The following TASP1 variants were observed in gnomAD, a reference collection of about 807,000 sequenced individuals.
The protein encoded by TASP1 is taspase 1.
TASP1 carries 16 observed loss-of-function variants against 56.6 expected under a neutral mutation model. That is an observed-to-expected ratio of 0.28 (90% CI 0.19 to 0.43). TASP1 has a LOEUF of 0.43. TASP1 is among the 20% of genes least tolerant of loss of function. The probability of loss-of-function intolerance (pLI) is 1.00; values close to 1 mark genes in which losing one functional copy is unlikely to be tolerated. For missense variants in TASP1, 393 were observed against 511.6 expected (o/e 0.77, Z 2.24); for synonymous variants, 179 against 184.2 (o/e 0.97, Z 0.23).
At chr20:13,461,895 T>C (rs1057021200) in intron 11 of TASP1, among the ~76,000 whole-genome samples, 3 of 152,146 alleles carry the variant, frequency 2.0e-5, no homozygotes, top group Non-Finnish European at 2.9e-5. Context: ...AGCAGATGTT[T>C]ATACAAGATT....
the TASP1 span, among the ~76,000 whole-genome samples, chr20:13,318,519 CA>C: frequency 6.6e-6 from 1 of 152,088 alleles, no homozygotes; most frequent in Admixed American, 6.5e-5. Flanking sequence ...CACACAAAAA[CA>C]AAAAAACCTG....
intron 6 of TASP1, among the ~76,000 whole-genome samples, chr20:13,573,391 C>T (rs192042775): frequency 2.0e-5 from 3 of 152,168 alleles, no homozygotes; most frequent in African/African-American, 7.2e-5. Flanking sequence ...AATCCCCCAG[C>T]TCCTTGATCT....
At chr20:13,246,803 C>T in the TASP1 span, among the ~76,000 whole-genome samples, 1 of 152,156 alleles carries the variant, frequency 6.6e-6, no homozygotes, top group Non-Finnish European at 1.5e-5. Flanking sequence ...CAATGTAAAA[C>T]CACCTGACTG....
At chr20:13,567,444 G>A (rs1304153273) in intron 7 of TASP1, among the ~76,000 whole-genome samples, 1 of 151,958 alleles carries the variant, frequency 6.6e-6, no homozygotes, top group African/African-American at 2.4e-5. Flanking sequence ...TAGGTATTCG[G>A]AAAATAAAAT....
At chr20:13,559,371 T>G (rs529741067) in intron 7 of TASP1, among the ~76,000 whole-genome samples, 43 of 152,250 alleles carry the variant, frequency 2.8e-4, no homozygotes, top group African/African-American at 9.4e-4. Context: ...AGGGCATCTG[T>G]TGATGCAAGC....
chr20:13,161,092 A>T, the TASP1 span, among the ~76,000 whole-genome samples: 18 of 152,374 alleles, frequency 1.2e-4, no homozygotes, highest in African/African-American at 4.3e-4. Flanking sequence ...TAGTGGAAAC[A>T]AAAGAAACTA....
chr20:13,232,939 C>T, the TASP1 span, among the ~76,000 whole-genome samples: 1 of 151,680 alleles, frequency 6.6e-6, no homozygotes, highest in South Asian at 2.1e-4. Flanking sequence ...TCATGGGTCT[C>T]GATTCTCCAA....
At chr20:13,177,586 G>A in the TASP1 span, among the ~76,000 whole-genome samples, 1 of 152,012 alleles carries the variant, frequency 6.6e-6, no homozygotes, top group African/African-American at 2.4e-5. Flanking sequence ...GAAATAGAAA[G>A]GAGAACCCAG....
chr20:13,126,502 A>C, the TASP1 span: 24 of 1,456,494 alleles, frequency 1.6e-5, no homozygotes, highest in Non-Finnish European at 2.2e-5. Flanking sequence ...GTCTTTTGCT[A>C]TGAGGATAGG....
the TASP1 span, among the ~76,000 whole-genome samples, chr20:13,123,342 A>AT: frequency 1.7e-3 from 259 of 151,592 alleles, 1 homozygote; most frequent in Non-Finnish European, 2.5e-3. Context: ...AAAAAAAAAA[A>AT]GTCACCAACT....
the TASP1 span, among the ~76,000 whole-genome samples, chr20:13,373,121 C>T: frequency 2.6e-5 from 4 of 151,718 alleles, no homozygotes; most frequent in Non-Finnish European, 5.9e-5. Context: ...TATTTGTTCC[C>T]ATGTGTTCAA....
intron 12 of TASP1, among the ~76,000 whole-genome samples, chr20:13,419,021 G>A (rs1268774470): frequency 6.6e-6 from 1 of 152,160 alleles, no homozygotes; most frequent in Non-Finnish European, 1.5e-5. Flanking sequence ...ACTTGGTGGT[G>A]GGGAGAGATG....
chr20:13,488,993 T>C (rs887909590), intron 10 of TASP1, among the ~76,000 whole-genome samples: 1 of 152,168 alleles, frequency 6.6e-6, no homozygotes, highest in Non-Finnish European at 1.5e-5. Flanking sequence ...AAGCCCACCC[T>C]GGAGTAACAG....
At chr20:13,347,422 C>T in the TASP1 span, among the ~76,000 whole-genome samples, 3 of 152,226 alleles carry the variant, frequency 2.0e-5, no homozygotes, top group African/African-American at 7.2e-5. Flanking sequence ...TCCCTGAAGG[C>T]CATAGGTCCT....
At chr20:13,617,151 G>A in intron 4 of TASP1, 1 of 437,588 alleles carries the variant, frequency 2.3e-6, no homozygotes, top group Non-Finnish European at 4.6e-6. Context: ...AAAATGCAGA[G>A]AAACATAAAG....
intron 4 of TASP1, among the ~76,000 whole-genome samples, chr20:13,595,549 A>G (rs2047696105): frequency 6.6e-6 from 1 of 152,188 alleles, no homozygotes; most frequent in Admixed American, 6.5e-5. Context: ...AGCAAATGGA[A>G]AGCAAAAAAA....
the TASP1 span, among the ~76,000 whole-genome samples, chr20:13,201,489 A>G: frequency 1.3e-5 from 2 of 152,088 alleles, no homozygotes; most frequent in Non-Finnish European, 2.9e-5. Context: ...TATCTGTATT[A>G]TCACAAATCT....
chr20:13,565,529 G>A (rs2147112119), intron 7 of TASP1, among the ~76,000 whole-genome samples: 1 of 152,044 alleles, frequency 6.6e-6, no homozygotes, highest in Admixed American at 6.5e-5. Context: ...AATAGGCAAA[G>A]GACTAGGATA....
At chr20:13,122,320 C>T in the TASP1 span, among the ~76,000 whole-genome samples, 1 of 152,172 alleles carries the variant, frequency 6.6e-6, no homozygotes, top group African/African-American at 2.4e-5. Context: ...GATTTAGTAC[C>T]ATATAGATGA....
Sources: allele counts gnomAD v4.1 joint callset (sites outside exome capture counted in the v4.1 genomes callset), GRCh38; gene constraint gnomAD v4.1.1; transcripts MANE v1.5; gene names NCBI Gene and HGNC (gene_info 2026-07-23, HGNC 2026-07-21).